FAM13C: variants seen among roughly 807,000 people sequenced by gnomAD.
The protein encoded by FAM13C is family with sequence similarity 13 member C, also known as protein FAM13C.
Under a neutral mutation model 73.2 loss-of-function variants are expected in FAM13C, and 37 were observed. That is an observed-to-expected ratio of 0.51 (90% CI 0.39 to 0.67). FAM13C has a LOEUF of 0.67. Ranked by LOEUF, FAM13C falls within the 30% of genes least tolerant of loss-of-function variation. The pLI is 0.00. For missense variants in FAM13C, 589 were observed against 715.6 expected, an observed-to-expected ratio of 0.82 and a Z score of 2.02; for synonymous variants, 246 against 260.9, an observed-to-expected ratio of 0.94 and a Z score of 0.55.
At position 59,309,114 on chromosome 10, in the gene FAM13C, G is replaced by A. The variant is rs559389198; in HGVS notation, c.444-6250C>T. On this transcript the variant is annotated intron_variant, in intron 4 of 13. Coordinates refer to ENST00000618804, the MANE Select transcript of FAM13C (RefSeq NM_198215.4). ...TTCCCCATCTTGCCAATGGCTCATG[G>A]AAGACAACGGACAGCTATCTAACGC... 1.6e-4 allele frequency among the ~76,000 whole-genome samples: 24 copies of A among 152,324 alleles called. 1 individual carries two copies. The East Asian group carries it at 4.6e-3, about 29-fold the overall frequency.
At chr10:59,270,948 C>G (rs1388808423) in intron 6 of FAM13C, among the ~76,000 whole-genome samples, 3 of 152,138 alleles carry the variant, frequency 2.0e-5, no homozygotes, top group African/African-American at 7.2e-5. Flanking sequence ...TAAGTTAGTT[C>G]CCCACCTCAC....
At chr10:59,358,724 T>C (rs531317197) in intron 1 of FAM13C, among the ~76,000 whole-genome samples, 1 of 152,340 alleles carries the variant, frequency 6.6e-6, no homozygotes, top group South Asian at 2.1e-4. Flanking sequence ...TTAATCTTTC[T>C]CCTCAAAGTA....
chr10:59,284,603 T>C lies in FAM13C; in HGVS notation c.508-1156A>G, dbSNP rs1473014371. Among the ~76,000 whole-genome samples, 6 of 139,322 alleles carry C rather than the reference T, an allele frequency of 4.3e-5. 1 individual carries two copies. The highest frequency in any genetic ancestry group is 5.5e-5 in the African/African-American group (2 of 36,406). 91.4% of individuals were successfully genotyped at this position (139,322 alleles called of 152,430 possible). On this transcript the variant is annotated intron_variant, in intron 5 of 13. Coordinates refer to ENST00000618804, the MANE Select transcript of FAM13C (RefSeq NM_198215.4). ...CCTACTCCACACACACACACGTATG[T>C]ACACCCTCAGCCCCTAGTGATCACC...
rs964214481 is a variant in FAM13C, at chr10:59,358,379, TA to T, written c.63-2437del. Among the ~76,000 whole-genome samples, 90 of 151,256 alleles carry T rather than the reference TA, an allele frequency of 6.0e-4. 1 individual carries two copies. The South Asian group carries it at 0.013, about 22-fold the overall frequency. ...GGCAACAGAGTGAGACTCTGTCTCA[TA>T]AAAAAAAATGCTGCTTTGACTAGAA... On this transcript the variant is annotated intron_variant, in intron 1 of 13. Coordinates refer to ENST00000618804, the MANE Select transcript of FAM13C (RefSeq NM_198215.4).
At chr10:59,305,255 C>G (rs924338889) in intron 4 of FAM13C, among the ~76,000 whole-genome samples, 6 of 152,186 alleles carry the variant, frequency 3.9e-5, no homozygotes, top group African/African-American at 1.2e-4. Context: ...ATACACAAAA[C>G]TCCACTGTTG....
At chr10:59,289,150 T>C (rs994225808) in intron 5 of FAM13C, among the ~76,000 whole-genome samples, 5 of 152,204 alleles carry the variant, frequency 3.3e-5, no homozygotes, top group Admixed American at 6.5e-5. Flanking sequence ...GCACGCAACA[T>C]AGATTCCTCG....
In FAM13C at chr10:59,251,574, C is replaced by T; in HGVS notation, c.1634+1G>A. The T allele has an allele frequency of 6.2e-7, 1 of 1,612,346 alleles. No individual in the cohort carries two copies. The highest frequency in any genetic ancestry group is 8.5e-7 in the Non-Finnish European group (1 of 1,178,494). Reference sequence around the variant, plus strand: ...TTAAAAATCTCTCTGCCGACACATACCTTCCTGTTTGTTTAAAAAACTGTT... The same window carrying T: ...TTAAAAATCTCTCTGCCGACACATATCTTCCTGTTTGTTTAAAAAACTGTT... On this transcript the variant is annotated splice_donor_variant, in intron 13 of 13. Coordinates refer to ENST00000618804, the MANE Select transcript of FAM13C (RefSeq NM_198215.4). LOFTEE classifies it high-confidence loss of function.
chr10:59,275,791 C>G (rs1276545088), intron 6 of FAM13C, among the ~76,000 whole-genome samples: 1 of 152,008 alleles, frequency 6.6e-6, no homozygotes, highest in African/African-American at 2.4e-5. Flanking sequence ...CAGTTTAAGA[C>G]AAATACAATC....
At chr10:59,355,355 G>C (rs898247554) in intron 2 of FAM13C, among the ~76,000 whole-genome samples, 1 of 152,248 alleles carries the variant, frequency 6.6e-6, no homozygotes, top group African/African-American at 2.4e-5. Flanking sequence ...ATAGTGCTAC[G>C]TTATCTTGGA....
chr10:59,354,274 G>T (rs937538746), intron 2 of FAM13C, among the ~76,000 whole-genome samples: 1 of 152,128 alleles, frequency 6.6e-6, no homozygotes, highest in East Asian at 1.9e-4. Context: ...AGCCAGGAAA[G>T]GGGAGAGGGG....
At chr10:59,335,310 GT>G (rs1389520674) in intron 3 of FAM13C, among the ~76,000 whole-genome samples, 1 of 152,188 alleles carries the variant, frequency 6.6e-6, no homozygotes, top group Admixed American at 6.5e-5. Flanking sequence ...CACATGGCAA[GT>G]TTTTATGTGG....
At chr10:59,281,717 C>G (rs1327619666) in intron 6 of FAM13C, among the ~76,000 whole-genome samples, 3 of 152,112 alleles carry the variant, frequency 2.0e-5, no homozygotes, top group African/African-American at 7.2e-5. Flanking sequence ...CAAAATCTTG[C>G]CCATGCCGAA....
At chr10:59,277,854 G>T (rs548944325) in intron 6 of FAM13C, among the ~76,000 whole-genome samples, 2 of 152,176 alleles carry the variant, frequency 1.3e-5, no homozygotes, top group Non-Finnish European at 2.9e-5. Flanking sequence ...TCAGAGTGGG[G>T]AAAGCCCCAC....
At chr10:59,274,508 T>C (rs1448374391) in intron 6 of FAM13C, among the ~76,000 whole-genome samples, 3 of 152,116 alleles carry the variant, frequency 2.0e-5, no homozygotes, top group East Asian at 1.9e-4. Flanking sequence ...CCAGTTTCTA[T>C]AGATGGCCAC....
chr10:59,287,537 T>C (rs767646469), intron 5 of FAM13C, among the ~76,000 whole-genome samples: 2 of 152,056 alleles, frequency 1.3e-5, no homozygotes, highest in African/African-American at 2.4e-5. Context: ...TTGTATATTC[T>C]GCAAAGCAGA....
chr10:59,263,257 A>G (rs1842698668), intron 9 of FAM13C, among the ~76,000 whole-genome samples: 1 of 152,178 alleles, frequency 6.6e-6, no homozygotes, highest in Non-Finnish European at 1.5e-5. Context: ...AAGGAATTAC[A>G]TTTTAGAGTA....
At chr10:59,272,384 A>C (rs1226318302) in intron 6 of FAM13C, among the ~76,000 whole-genome samples, 1 of 152,216 alleles carries the variant, frequency 6.6e-6, no homozygotes, top group African/African-American at 2.4e-5. Flanking sequence ...TGACACATGC[A>C]TATGTGTGTG....
chr10:59,260,388 T>C (rs1329648325), intron 10 of FAM13C, among the ~76,000 whole-genome samples: 1 of 152,200 alleles, frequency 6.6e-6, no homozygotes, highest in Non-Finnish European at 1.5e-5. Context: ...CTTGATCTCA[T>C]GCCATCCTGT....
chr10:59,318,728 CTCAACATGAACTAGG>C (rs952122493), intron 4 of FAM13C, among the ~76,000 whole-genome samples: 1 of 152,006 alleles, frequency 6.6e-6, no homozygotes, highest in African/African-American at 2.4e-5. Flanking sequence ...ATGTGGGATA[CTCAACATGAACTAGG>C]TCAATACCCA....
Sources: gnomAD v4.1 joint callset for allele counts (sites outside exome capture counted in the v4.1 genomes callset) on GRCh38, gnomAD v4.1.1 for gene constraint, MANE v1.5 for transcripts, NCBI Gene and HGNC (gene_info 2026-07-23, HGNC 2026-07-21) for gene names.